Variants in TENM2 observed in about 807,000 individuals in gnomAD.
The protein encoded by TENM2 is teneurin transmembrane protein 2, also known as teneurin-2.
TENM2 carries 52 observed loss-of-function variants against 245.2 expected under a neutral mutation model. The ratio of observed to expected loss-of-function variants is 0.21; its 90% CI spans 0.17 to 0.27. TENM2 has a LOEUF of 0.27. TENM2 is among the 10% of genes least tolerant of loss of function. The probability of loss-of-function intolerance (pLI) is 1.00; values close to 1 mark genes in which losing one functional copy is unlikely to be tolerated. For missense variants in TENM2, 3,046 were observed against 3,666.8 expected, an observed-to-expected ratio of 0.83 and a Z score of 4.37; for synonymous variants, 1,363 against 1,438.9, an observed-to-expected ratio of 0.95 and a Z score of 1.19.
intron 1 of TENM2, among the ~76,000 whole-genome samples, chr5:167,317,166 T>G (rs1028268286): frequency 6.6e-6 from 1 of 152,178 alleles, no homozygotes; most frequent in Non-Finnish European, 1.5e-5. Context: ...GAAAATCTGC[T>G]TCCTCTCAGC....
At chr5:167,809,741 T>G (rs4868807) in intron 2 of TENM2, among the ~76,000 whole-genome samples, 3 of 152,176 alleles carry the variant, frequency 2.0e-5, no homozygotes, top group East Asian at 3.9e-4. Flanking sequence ...GGGGAAGATT[T>G]TGGGGACAGG....
intron 2 of TENM2, among the ~76,000 whole-genome samples, chr5:167,797,911 A>G (rs1335745952): frequency 3.9e-5 from 6 of 152,256 alleles, no homozygotes; most frequent in African/African-American, 1.4e-4. Flanking sequence ...CAATGTGTTT[A>G]TGACTCCAAC....
intron 22 of TENM2, 119 bp downstream of exon 24, chr5:168,217,041 C>A: frequency 1.7e-6 from 2 of 1,177,554 alleles, no homozygotes; most frequent in Non-Finnish European, 2.4e-6. Context: ...ATACAGATCA[C>A]GGGGTTGTTT....
chr5:167,482,056 T>C (rs542528110), intron 2 of TENM2, among the ~76,000 whole-genome samples: 1 of 152,194 alleles, frequency 6.6e-6, no homozygotes, highest in Non-Finnish European at 1.5e-5. Flanking sequence ...TTCATCGCTA[T>C]AGAGTTATCT....
chr5:168,259,910 C>T (rs368827436), intron 27 of TENM2, among the ~76,000 whole-genome samples: 1 of 152,324 alleles, frequency 6.6e-6, no homozygotes, highest in African/African-American at 2.4e-5. Context: ...TCCTTTGATC[C>T]TCATAACAAC....
At chr5:168,215,010 T>G in intron 20 of TENM2, 30 bp from the exon 23 acceptor site, 1 of 1,602,440 alleles carries the variant, frequency 6.2e-7, no homozygotes, top group Non-Finnish European at 8.5e-7. Flanking sequence ...AGCCCCCTCC[T>G]CATTTCTCTT....
chr5:167,839,880 C>T (rs574375799), intron 2 of TENM2, among the ~76,000 whole-genome samples: 33 of 152,262 alleles, frequency 2.2e-4, no homozygotes, highest in African/African-American at 5.5e-4. Context: ...TGCAGTGGCA[C>T]GGTCTTGGCT....
chr5:167,564,098 C>T (rs530681074), intron 2 of TENM2, among the ~76,000 whole-genome samples: 7 of 152,180 alleles, frequency 4.6e-5, no homozygotes, highest in East Asian at 3.9e-4. Flanking sequence ...TCTGAGAAAG[C>T]GAGTCAGACA....
At chr5:167,099,464 G>T in the TENM2 span, among the ~76,000 whole-genome samples, 1 of 152,328 alleles carries the variant, frequency 6.6e-6, no homozygotes, top group East Asian at 1.9e-4. Flanking sequence ...GGGAGGCCGA[G>T]GCGGGCGGAT....
chr5:167,499,215 C>T (rs886071710), intron 2 of TENM2, among the ~76,000 whole-genome samples: 1 of 151,992 alleles, frequency 6.6e-6, no homozygotes, highest in East Asian at 1.9e-4. Flanking sequence ...TCCTTTATTG[C>T]CCCACCATAA....
chr5:167,133,017 G>A, the TENM2 span, among the ~76,000 whole-genome samples: 1 of 152,180 alleles, frequency 6.6e-6, no homozygotes, highest in African/African-American at 2.4e-5. Flanking sequence ...TGAAAAGCAA[G>A]AAGACAGAGA....
At chr5:167,120,618 C>T in the TENM2 span, among the ~76,000 whole-genome samples, 159 of 152,328 alleles carry the variant, frequency 1.0e-3, no homozygotes, top group Non-Finnish European at 1.7e-3. Flanking sequence ...GCTGCCCTCT[C>T]TCTAGGTCTG....
chr5:167,115,822 TG>T, the TENM2 span, among the ~76,000 whole-genome samples: 5 of 152,226 alleles, frequency 3.3e-5, no homozygotes, highest in East Asian at 9.7e-4. Context: ...TAAATAAACT[TG>T]GTTTGGGCAG....
intron 3 of TENM2, among the ~76,000 whole-genome samples, chr5:167,893,323 A>G (rs1774912474): frequency 6.6e-6 from 1 of 152,192 alleles, no homozygotes; most frequent in African/African-American, 2.4e-5. Context: ...GACCAGTTCA[A>G]GGTTGGATGA....
At chr5:168,034,744 C>G (rs1787510337) in intron 5 of TENM2, among the ~76,000 whole-genome samples, 1 of 151,920 alleles carries the variant, frequency 6.6e-6, no homozygotes, top group Non-Finnish European at 1.5e-5. Flanking sequence ...TACCCTCCAA[C>G]CTGGATGACA....
At chr5:168,112,020 T>C (rs912433723) in intron 9 of TENM2, among the ~76,000 whole-genome samples, 13 of 152,214 alleles carry the variant, frequency 8.5e-5, no homozygotes, top group African/African-American at 2.9e-4. Flanking sequence ...CCAGAGTTGC[T>C]TGTCCCTTAA....
chr5:167,509,905 G>A (rs1769816082), intron 2 of TENM2, among the ~76,000 whole-genome samples: 1 of 152,106 alleles, frequency 6.6e-6, no homozygotes, highest in Non-Finnish European at 1.5e-5. Context: ...CCATATGGTG[G>A]GGATAAATTC....
chr5:168,050,810 T>C (rs1411028073), intron 6 of TENM2, among the ~76,000 whole-genome samples: 1 of 152,214 alleles, frequency 6.6e-6, no homozygotes, highest in African/African-American at 2.4e-5. Context: ...TGCCTTTCCG[T>C]TTTCCATTTG....
At chr5:168,215,229 G>A in exon 21 of TENM2, 2 of 1,613,926 alleles carry the variant, frequency 1.2e-6, no homozygotes, top group Non-Finnish European at 1.7e-6. Flanking sequence ...CCCGCTGCGG[G>A]GATGGAGGGA....
Sources: allele counts gnomAD v4.1 joint callset (sites outside exome capture counted in the v4.1 genomes callset), GRCh38; gene constraint gnomAD v4.1.1; transcripts MANE v1.5; gene names NCBI Gene and HGNC (gene_info 2026-07-23, HGNC 2026-07-21).